Variants in STARD13 observed in about 807,000 individuals in gnomAD.
The protein encoded by STARD13 is StAR related lipid transfer domain containing 13, also known as stAR-related lipid transfer protein 13.
STARD13 carries 62 observed loss-of-function variants against 106.4 expected under a neutral mutation model. That is an observed-to-expected ratio of 0.58 (90% CI 0.48 to 0.72). The LOEUF is 0.72. Among genes scored for constraint, STARD13 ranks in the 30% least tolerant of loss-of-function variants. The pLI is 0.00. For missense variants in STARD13, 1,387 were observed against 1,424.0 expected (o/e 0.97, Z 0.42); for synonymous variants, 565 against 553.0 (o/e 1.02, Z -0.31).
the STARD13 span, among the ~76,000 whole-genome samples, chr13:33,632,186 G>A: frequency 3.3e-5 from 5 of 152,294 alleles, no homozygotes; most frequent in East Asian, 9.6e-4. Flanking sequence ...ACACATATGA[G>A]TAATTGAGGA....
intron 1 of STARD13, among the ~76,000 whole-genome samples, chr13:33,187,270 A>G (rs1449546284): frequency 6.6e-6 from 1 of 152,204 alleles, no homozygotes; most frequent in Admixed American, 6.5e-5. Flanking sequence ...TCAGACAAGG[A>G]GTTGCTGAGA....
chr13:33,244,069 G>C (rs35107920), intron 1 of STARD13, among the ~76,000 whole-genome samples: 6 of 148,666 alleles, frequency 4.0e-5, no homozygotes, highest in Non-Finnish European at 7.4e-5. Flanking sequence ...AAATCTGAAA[G>C]ATTTTGAATG....
intron 1 of STARD13, among the ~76,000 whole-genome samples, chr13:33,223,751 G>C (rs1000472130): frequency 4.6e-5 from 7 of 151,974 alleles, no homozygotes; most frequent in African/African-American, 1.7e-4. Flanking sequence ...CCTCTATCTT[G>C]TAAGTATGCC....
the STARD13 span, among the ~76,000 whole-genome samples, chr13:33,626,104 T>C: frequency 6.6e-6 from 1 of 152,234 alleles, no homozygotes. Flanking sequence ...TGGCATTGTC[T>C]ATAGATAGAC....
intron 4 of STARD13, among the ~76,000 whole-genome samples, chr13:33,136,587 T>C (rs1383930891): frequency 6.6e-6 from 1 of 152,200 alleles, no homozygotes; most frequent in Non-Finnish European, 1.5e-5. Context: ...CCACCTTTGA[T>C]TGGTGTCTTT....
chr13:33,391,751 A>G, the STARD13 span, among the ~76,000 whole-genome samples: 35 of 152,196 alleles, frequency 2.3e-4, no homozygotes, highest in South Asian at 7.3e-3. Flanking sequence ...TCTTCTCTGC[A>G]TGGGGCTGTG....
chr13:33,205,447 C>T (rs979633287), intron 1 of STARD13, among the ~76,000 whole-genome samples: 9 of 152,082 alleles, frequency 5.9e-5, no homozygotes, highest in East Asian at 1.9e-4. Flanking sequence ...AAAGGTGGGT[C>T]GCTTTCTTAA....
chr13:33,344,737 T>C (rs891391528), downstream of STARD13, among the ~76,000 whole-genome samples: 1 of 152,226 alleles, frequency 6.6e-6, no homozygotes, highest in African/African-American at 2.4e-5. Flanking sequence ...CCTGTGTCTA[T>C]GATAAATGAT....
chr13:33,656,385 T>C, the STARD13 span, among the ~76,000 whole-genome samples: 1 of 152,260 alleles, frequency 6.6e-6, no homozygotes, highest in South Asian at 2.1e-4. Context: ...GAAAGCTTTC[T>C]ACGATGTTTA....
the STARD13 span, among the ~76,000 whole-genome samples, chr13:33,569,095 A>G: frequency 6.7e-6 from 1 of 148,158 alleles, no homozygotes; most frequent in East Asian, 2.0e-4. Context: ...GCTTATGTCT[A>G]TAAAATTTAA....
the STARD13 span, among the ~76,000 whole-genome samples, chr13:33,555,363 C>T: frequency 2.6e-5 from 4 of 152,176 alleles, no homozygotes; most frequent in Non-Finnish European, 5.9e-5. Flanking sequence ...GAGGCCAGAC[C>T]AGCAGAGGAG....
chr13:33,602,813 T>C, the STARD13 span, among the ~76,000 whole-genome samples: 1 of 152,342 alleles, frequency 6.6e-6, no homozygotes, highest in Non-Finnish European at 1.5e-5. Context: ...ATCTAGATTG[T>C]GTGCTCCTTA....
intron 7 of STARD13, 106 bp downstream of exon 7, chr13:33,125,975 G>A: frequency 8.1e-7 from 1 of 1,228,948 alleles, no homozygotes; most frequent in Admixed American, 1.9e-5. Context: ...TTTTGGTGAG[G>A]CATGTCTTGC....
chr13:33,494,046 C>A, the STARD13 span, among the ~76,000 whole-genome samples: 1 of 152,178 alleles, frequency 6.6e-6, no homozygotes, highest in East Asian at 1.9e-4. Flanking sequence ...CCTGATTACC[C>A]AGAGTTAGCT....
Position 33,219,518 on chromosome 13 carries a change from C to CAAAAAAA in STARD13, c.170-51903_170-51897dup, listed in dbSNP as rs55933962. On this transcript the variant is annotated intron_variant, in intron 1 of 13. Coordinates refer to ENST00000336934, the MANE Select transcript of STARD13 (RefSeq NM_178006.4). ...TGGGCGACAGAGTGAGACTCCTTCTCAAAAAAAAAAAAAAAAAAAAAAAAA... is the reference window on the plus strand; with the variant it reads ...TGGGCGACAGAGTGAGACTCCTTCTCAAAAAAAAAAAAAAAAAAAAAAAAAAAAAAAA... Among the ~76,000 whole-genome samples, 33 of 61,238 alleles carry CAAAAAAA rather than the reference C, an allele frequency of 5.4e-4. 2 individuals are homozygous for CAAAAAAA. The highest frequency in any genetic ancestry group is 1.9e-3 in the African/African-American group (29 of 15,130). 40.2% of individuals were successfully genotyped at this position (61,238 alleles called of 152,430 possible).
At chr13:33,179,306 G>A (rs1032204074) in intron 1 of STARD13, among the ~76,000 whole-genome samples, 1 of 152,182 alleles carries the variant, frequency 6.6e-6, no homozygotes, top group Admixed American at 6.5e-5. Flanking sequence ...GTGTGACCCT[G>A]GGTAGGTTAA....
At chr13:33,149,688 C>A (rs116352003) in intron 3 of STARD13, among the ~76,000 whole-genome samples, 1 of 152,158 alleles carries the variant, frequency 6.6e-6, no homozygotes, top group African/African-American at 2.4e-5. Context: ...TTAGCTTACA[C>A]AAGGTAAAAT....
At chr13:33,210,717 T>G (rs1223344125) in intron 1 of STARD13, among the ~76,000 whole-genome samples, 1 of 152,216 alleles carries the variant, frequency 6.6e-6, no homozygotes, top group African/African-American at 2.4e-5. Context: ...TATTAATGCC[T>G]GCAATTTGAA....
intron 3 of STARD13, among the ~76,000 whole-genome samples, chr13:33,157,676 A>G (rs73467833): frequency 0.13 from 20,371 of 152,170 alleles, 1,716 homozygotes; most frequent in East Asian, 0.28. Flanking sequence ...CCTAAAAACA[A>G]ACAAACAAAG....
Sources: gnomAD v4.1 joint callset for allele counts (sites outside exome capture counted in the v4.1 genomes callset) on GRCh38, gnomAD v4.1.1 for gene constraint, MANE v1.5 for transcripts, NCBI Gene and HGNC (gene_info 2026-07-23, HGNC 2026-07-21) for gene names.